The following PDGFD variants were observed in gnomAD, a reference collection of about 807,000 sequenced individuals.
PDGFD encodes the protein platelet-derived growth factor D.
A neutral mutation model predicts 44.7 loss-of-function variants in PDGFD; 30 were observed. The ratio of observed to expected loss-of-function variants is 0.67; its 90% CI spans 0.50 to 0.91. The LOEUF is 0.91. PDGFD is among the 40% of genes least tolerant of loss of function. The pLI, the probability that PDGFD is intolerant of heterozygous loss-of-function variation, is 0.00. For missense variants in PDGFD, 445 were observed against 457.8 expected (o/e 0.97, Z 0.25); for synonymous variants, 173 against 168.4 (o/e 1.03, Z -0.21).
At chr11:104,066,178 C>G (rs1354345975) in intron 1 of PDGFD, among the ~76,000 whole-genome samples, 1 of 152,136 alleles carries the variant, frequency 6.6e-6, no homozygotes, top group African/African-American at 2.4e-5. Context: ...CCTCCGTCAT[C>G]TTCCAGAGCT....
chr11:103,945,972 A>G (rs1858662573), intron 4 of PDGFD: 1 of 152,182 alleles, frequency 6.6e-6, no homozygotes, highest in African/African-American at 2.4e-5. Context: ...ACCTAATAAG[A>G]CTACAAGAAC....
intron 1 of PDGFD, among the ~76,000 whole-genome samples, chr11:104,119,631 AAT>A (rs1861733927): frequency 3.5e-5 from 2 of 56,426 alleles, no homozygotes; most frequent in South Asian, 9.4e-4. Flanking sequence ...GTATTATATT[AAT>A]ATATAATATA....
At chr11:104,122,692 C>A (rs1038967365) in intron 1 of PDGFD, among the ~76,000 whole-genome samples, 2 of 150,432 alleles carry the variant, frequency 1.3e-5, no homozygotes, top group Non-Finnish European at 3.0e-5. Context: ...TTATGTAATA[C>A]TGAAAATACA....
chr11:104,000,980 G>A (rs912328639), intron 1 of PDGFD, among the ~76,000 whole-genome samples: 18 of 152,062 alleles, frequency 1.2e-4, no homozygotes, highest in Admixed American at 1.1e-3. Flanking sequence ...TATGGCCCCC[G>A]GGACCACGTC....
At chr11:104,124,641 A>C (rs1215791520) in intron 1 of PDGFD, among the ~76,000 whole-genome samples, 3 of 152,118 alleles carry the variant, frequency 2.0e-5, no homozygotes, top group African/African-American at 7.2e-5. Context: ...ATGGTGAAGC[A>C]AAGTTTTGAC....
At chr11:104,036,152 T>C (rs1860228433) in intron 1 of PDGFD, among the ~76,000 whole-genome samples, 1 of 152,122 alleles carries the variant, frequency 6.6e-6, no homozygotes, top group Non-Finnish European at 1.5e-5. Context: ...TAGAAAGTGT[T>C]GAAAAACTAG....
At chr11:104,038,048 C>A in intron 1 of PDGFD, 1 of 1,561,824 alleles carries the variant, frequency 6.4e-7, no homozygotes. Context: ...CTTGAGGGAG[C>A]CTCAGGTCCC....
chr11:103,909,703 T>C lies in PDGFD; in HGVS notation c.1104A>G (p.Pro368=). The C allele has an allele frequency of 6.2e-7, 1 of 1,614,076 alleles. No individual in the cohort carries two copies. Among genetic ancestry groups the C allele is most frequent in the Non-Finnish European group, 8.5e-7 (1 of 1,179,928 alleles). ...ERCDCICSSR[P]PR is the part of the protein sequence containing the mutation. ...GGATGTGCACATTCTCTTATCGAGG[T>C]GGTCTTGAGCTGCAGATACAATCAC... Residue 368 remains proline, a synonymous_variant, in exon 7 of 7, where the codon CCA becomes CCG. Coordinates refer to ENST00000393158, the MANE Select transcript of PDGFD (RefSeq NM_025208.5).
chr11:104,026,341 T>C (rs528739217), intron 1 of PDGFD, among the ~76,000 whole-genome samples: 83 of 152,348 alleles, frequency 5.4e-4, no homozygotes, highest in African/African-American at 1.9e-3. Context: ...CACCTTAAGA[T>C]CTATTGGTGA....
chr11:104,050,560 TG>T (rs1435036189), intron 1 of PDGFD, among the ~76,000 whole-genome samples: 6 of 152,144 alleles, frequency 3.9e-5, no homozygotes, highest in Non-Finnish European at 8.8e-5. Context: ...CATACACCCT[TG>T]GGCAAGGCAC....
chr11:104,011,179 A>G (rs919373614), intron 1 of PDGFD, among the ~76,000 whole-genome samples: 13 of 151,958 alleles, frequency 8.6e-5, no homozygotes, highest in African/African-American at 2.7e-4. Context: ...CAATGATCGT[A>G]AAATATCCTA....
intron 1 of PDGFD, among the ~76,000 whole-genome samples, chr11:104,007,632 T>C (rs1251110646): frequency 6.6e-6 from 1 of 152,212 alleles, no homozygotes; most frequent in Non-Finnish European, 1.5e-5. Flanking sequence ...GCATGACTGA[T>C]AGTGACAAAC....
intron 1 of PDGFD, among the ~76,000 whole-genome samples, chr11:104,143,939 G>C (rs902801999): frequency 6.6e-6 from 1 of 152,050 alleles, no homozygotes; most frequent in Non-Finnish European, 1.5e-5. Flanking sequence ...CATACATATT[G>C]CTTTTAGACA....
At chr11:104,145,286 G>A (rs938234523) in intron 1 of PDGFD, among the ~76,000 whole-genome samples, 1 of 152,074 alleles carries the variant, frequency 6.6e-6, no homozygotes, top group Non-Finnish European at 1.5e-5. Context: ...GGTATAAACC[G>A]AATGCTATGT....
At chr11:104,060,456 G>A (rs1860694980) in intron 1 of PDGFD, among the ~76,000 whole-genome samples, 1 of 152,100 alleles carries the variant, frequency 6.6e-6, no homozygotes, top group Non-Finnish European at 1.5e-5. Context: ...AAGCATAGAG[G>A]GTATCACTGT....
chr11:103,965,251 A>C (rs1298048354), intron 3 of PDGFD, among the ~76,000 whole-genome samples: 1 of 152,126 alleles, frequency 6.6e-6, no homozygotes, highest in East Asian at 1.9e-4. Flanking sequence ...TACTATTTTG[A>C]AGCTACAGTA....
chr11:103,925,716 CAT>C (rs370841769), intron 6 of PDGFD, among the ~76,000 whole-genome samples: 5,683 of 122,672 alleles, frequency 0.046, 445 homozygotes, highest in African/African-American at 0.17. Context: ...CACACACACA[CAT>C]ATATATATAT....
chr11:104,090,229 A>G (rs993325134), intron 1 of PDGFD, among the ~76,000 whole-genome samples: 8 of 152,176 alleles, frequency 5.3e-5, no homozygotes, highest in African/African-American at 1.7e-4. Flanking sequence ...AGATTTTCCA[A>G]TTTTAACATT....
intron 2 of PDGFD, among the ~76,000 whole-genome samples, chr11:103,996,979 T>G (rs936732015): frequency 1.3e-5 from 2 of 152,214 alleles, no homozygotes; most frequent in African/African-American, 2.4e-5. Context: ...CAGCAAAAGC[T>G]GCTTTAGTTA....
Sources: allele counts gnomAD v4.1 joint callset (sites outside exome capture counted in the v4.1 genomes callset), GRCh38; gene constraint gnomAD v4.1.1; transcripts MANE v1.5; gene names NCBI Gene and HGNC (gene_info 2026-07-23, HGNC 2026-07-21).